Variants in PDIA3 observed in about 807,000 individuals in gnomAD.
PDIA3 encodes the protein protein disulfide-isomerase A3.
Under a neutral mutation model 56.9 loss-of-function variants are expected in PDIA3, and 16 were observed. The ratio of observed to expected loss-of-function variants is 0.28; its 90% CI spans 0.19 to 0.43. The LOEUF (loss-of-function observed/expected upper bound fraction) is 0.43. Among genes scored for constraint, PDIA3 ranks in the 20% least tolerant of loss-of-function variants. The probability of loss-of-function intolerance (pLI) is 1.00; values close to 1 mark genes in which losing one functional copy is unlikely to be tolerated. For synonymous variants in PDIA3, 192 were observed against 216.5 expected, an observed-to-expected ratio of 0.89 and a Z score of 0.99; for missense variants, 485 against 621.3, an observed-to-expected ratio of 0.78 and a Z score of 2.33.
intron 6 of PDIA3, 151 bp from the exon 7 acceptor site, chr15:43,765,736 G>A (rs975925513): frequency 7.9e-6 from 7 of 887,356 alleles, no homozygotes; most frequent in Non-Finnish European, 1.3e-5. Flanking sequence ...TAGAACTCCT[G>A]TTGTCATCCT....
intron 1 of PDIA3, chr15:43,752,836 G>A (rs2086753531): frequency 2.1e-6 from 1 of 470,972 alleles, no homozygotes; most frequent in South Asian, 1.5e-5. Flanking sequence ...TGATCCCTCT[G>A]CAACCCTTTG....
intron 3 of PDIA3, among the ~76,000 whole-genome samples, chr15:43,760,039 A>G (rs780746479): frequency 1.8e-4 from 27 of 152,064 alleles, no homozygotes; most frequent in South Asian, 2.1e-4. Context: ...CAGTGAGCCA[A>G]TGTTGCAATC....
intron 1 of PDIA3, chr15:43,751,645 G>A (rs1487663628): frequency 7.7e-7 from 1 of 1,304,104 alleles, no homozygotes; most frequent in Non-Finnish European, 1.0e-6. Flanking sequence ...CTCTTTTTGT[G>A]GATTTGATGA....
chr15:43,749,179 C>T (rs1161328183), intron 1 of PDIA3, among the ~76,000 whole-genome samples: 4 of 151,970 alleles, frequency 2.6e-5, no homozygotes, highest in Non-Finnish European at 4.4e-5. Context: ...CTGCAACCTC[C>T]GCCTCCCGTG....
chr15:43,770,434 G>A, intron 11 of PDIA3, 89 bp from the exon 12 acceptor site: 1 of 1,350,312 alleles, frequency 7.4e-7, no homozygotes, highest in Non-Finnish European at 1.1e-6. Flanking sequence ...TTCAGTTGAA[G>A]GCAGAACCAC....
At position 43,746,621 on chromosome 15, in the gene PDIA3, C is replaced by G. The variant is rs1413107249; in HGVS notation, c.82C>G (p.Leu28Val). 1 of 1,612,778 alleles carries G rather than the reference C, an allele frequency of 6.2e-7. No individual in the cohort carries two copies. The highest frequency in any genetic ancestry group is 8.5e-7 in the Non-Finnish European group (1 of 1,179,902). Reference protein sequence around the residue: ...AARLAAASDVLELTDDNFESR... With the variant: ...AARLAAASDVVELTDDNFESR... ...CCGCCTCGCCGCTGCCTCCGACGTG[C>G]TAGAACTCACGGACGACAACTTCGA... The change falls in exon 1 of 13, where the codon CTA (leucine) becomes GTA (valine). Residue 28 changes from leucine (L) to valine (V), a missense_variant. Physicochemically the swap from Leu to Val is conservative, Grantham distance 32. Transcript: ENST00000300289.
intron 3 of PDIA3, among the ~76,000 whole-genome samples, chr15:43,759,076 G>C (rs2086798310): frequency 6.6e-6 from 1 of 152,056 alleles, no homozygotes; most frequent in Admixed American, 6.6e-5. Flanking sequence ...GGATCACAAG[G>C]TCAGGAGAGC....
chr15:43,767,656 GC>G (rs2086856135), intron 8 of PDIA3, among the ~76,000 whole-genome samples: 1 of 150,868 alleles, frequency 6.6e-6, no homozygotes, highest in Non-Finnish European at 1.5e-5. Flanking sequence ...TGTAATTCCA[GC>G]TACTGGGGAG....
intron 1 of PDIA3, among the ~76,000 whole-genome samples, chr15:43,749,337 C>T (rs2086728918): frequency 6.6e-6 from 1 of 152,198 alleles, no homozygotes; most frequent in Non-Finnish European, 1.5e-5. Context: ...GATCCACCCT[C>T]CTCGGCCTCC....
chr15:43,762,735 T>C (rs1353206886), intron 4 of PDIA3, among the ~76,000 whole-genome samples: 1 of 152,186 alleles, frequency 6.6e-6, no homozygotes, highest in African/African-American at 2.4e-5. Flanking sequence ...GTTTACAGTT[T>C]ATTTTGACAT....
chr15:43,771,794 A>G lies in PDIA3; in HGVS notation c.*576A>G, dbSNP rs2086883666. Reference sequence around the variant, plus strand: ...AGTTCATCACCTCAAAATTCTTTCAAAATTTATTATCTCTTTCTCTCCTTA... The same window carrying G: ...AGTTCATCACCTCAAAATTCTTTCAGAATTTATTATCTCTTTCTCTCCTTA... On this transcript the variant is annotated 3_prime_UTR_variant, in exon 13 of 13. Coordinates refer to ENST00000300289, the MANE Select transcript of PDIA3 (RefSeq NM_005313.5). The G allele has an allele frequency of 2.5e-6, 1 of 396,938 alleles. No homozygotes were observed. The highest frequency in any genetic ancestry group is 2.1e-5 in the African/African-American group (1 of 48,612). The allele number at this position is 396,938 out of a possible 1,614,324, so 24.6% of individuals were successfully genotyped here.
In PDIA3 at chr15:43,772,828, A is replaced by T. The variant is rs1254847608; in HGVS notation, c.*1610A>T. On this transcript the variant is annotated 3_prime_UTR_variant, in exon 13 of 13. Coordinates refer to ENST00000300289, the MANE Select transcript of PDIA3 (RefSeq NM_005313.5). Reference sequence around the variant, plus strand: ...ATTATTTTATCCTGAAGATGATGTCATTTCTCAGGACTTGAAAATGACTTG... The same window carrying T: ...ATTATTTTATCCTGAAGATGATGTCTTTTCTCAGGACTTGAAAATGACTTG... The T allele has an allele frequency of 3.7e-6, 1 of 273,160 alleles. No homozygotes were observed. Among genetic ancestry groups the T allele is most frequent in the Non-Finnish European group, 6.8e-6 (1 of 147,462 alleles). 16.9% of individuals were successfully genotyped at this position (273,160 alleles called of 1,614,324 possible). A position where few individuals can be genotyped will look rare whatever the true frequency, so the allele number is the denominator to read the frequency against.
At chr15:43,761,862 C>T (rs1449737918) in intron 4 of PDIA3, among the ~76,000 whole-genome samples, 1 of 151,954 alleles carries the variant, frequency 6.6e-6, no homozygotes, top group Non-Finnish European at 1.5e-5. Flanking sequence ...ATATCTTCAG[C>T]GTTTTCTAAT....
At chr15:43,748,202 G>A (rs1436266554) in intron 1 of PDIA3, among the ~76,000 whole-genome samples, 3 of 152,184 alleles carry the variant, frequency 2.0e-5, no homozygotes, top group Non-Finnish European at 4.4e-5. Flanking sequence ...TTGGGGCTGG[G>A]CATGGTGGCT....
At chr15:43,765,589 T>G (rs1458677261) in intron 6 of PDIA3, 23 bp downstream of exon 6, 13 of 1,350,832 alleles carry the variant, frequency 9.6e-6, no homozygotes, top group Non-Finnish European at 1.4e-5. Flanking sequence ...TTGTATCTTG[T>G]CTGGGATTTA....
chr15:43,754,001 T>C (rs948610059), intron 2 of PDIA3, 99 bp downstream of exon 2: 6 of 815,560 alleles, frequency 7.4e-6, no homozygotes, highest in Middle Eastern at 4.7e-4. Flanking sequence ...CAGTAATAAA[T>C]AGTTTGTAAG....
At chr15:43,768,435 T>C in intron 8 of PDIA3, 54 bp from the exon 9 acceptor site, 1 of 1,330,848 alleles carries the variant, frequency 7.5e-7, no homozygotes, top group East Asian at 2.3e-5. Context: ...TTGCTGTAAT[T>C]TTCTCAGCGG....
chr15:43,758,529 A>T (rs1188609665), intron 3 of PDIA3, among the ~76,000 whole-genome samples: 1 of 151,420 alleles, frequency 6.6e-6, no homozygotes, highest in Non-Finnish European at 1.5e-5. Flanking sequence ...TGTGATGCGC[A>T]TACCTGTAAT....
intron 1 of PDIA3, chr15:43,751,851 T>C (rs2086746513): frequency 3.6e-6 from 3 of 830,856 alleles, no homozygotes; most frequent in Non-Finnish European, 5.1e-6. Context: ...CTAGTAACTA[T>C]TGTATGTGAT....
Sources: allele counts gnomAD v4.1 joint callset (sites outside exome capture counted in the v4.1 genomes callset), GRCh38; gene constraint gnomAD v4.1.1; transcripts MANE v1.5; gene names NCBI Gene and HGNC (gene_info 2026-07-23, HGNC 2026-07-21).